Variants in STK32B observed in about 807,000 individuals in gnomAD.
STK32B encodes serine/threonine kinase 32B.
Under a neutral mutation model 52.6 loss-of-function variants are expected in STK32B, and 43 were observed. That is an observed-to-expected ratio of 0.82 (90% confidence interval 0.64 to 1.05). The LOEUF (loss-of-function observed/expected upper bound fraction) is 1.05. STK32B is among the 50% of genes least tolerant of loss of function. STK32B has a pLI of 0.00. For missense variants in STK32B, 621 were observed against 534.6 expected, an observed-to-expected ratio of 1.16 and a Z score of -1.59; for synonymous variants, 238 against 204.3, an observed-to-expected ratio of 1.17 and a Z score of -1.41.
chr4:5,176,539 G>A (rs1337970939), intron 3 of STK32B, among the ~76,000 whole-genome samples: 3 of 150,618 alleles, frequency 2.0e-5, no homozygotes, highest in South Asian at 4.2e-4. Flanking sequence ...CACCTCCAAG[G>A]TTTAAGTGAT....
chr4:5,129,606 C>A (rs1265024561), intron 1 of STK32B, among the ~76,000 whole-genome samples: 1 of 152,140 alleles, frequency 6.6e-6, no homozygotes, highest in Non-Finnish European at 1.5e-5. Flanking sequence ...TGGGGAACAA[C>A]CTTGATTATA....
At chr4:5,443,978 G>A (rs1233509703) in intron 6 of STK32B, among the ~76,000 whole-genome samples, 14 of 152,198 alleles carry the variant, frequency 9.2e-5, no homozygotes, top group East Asian at 1.9e-4. Flanking sequence ...CCAGCTGCGT[G>A]CTGGGAGAAC....
chr4:5,119,784 G>A (rs190248614), intron 1 of STK32B, among the ~76,000 whole-genome samples: 226 of 152,306 alleles, frequency 1.5e-3, no homozygotes, highest in Non-Finnish European at 2.9e-3. Context: ...ACATGCTTTC[G>A]TATTCTGAAG....
At chr4:5,443,720 A>G (rs1183333049) in intron 6 of STK32B, among the ~76,000 whole-genome samples, 2 of 151,226 alleles carry the variant, frequency 1.3e-5, no homozygotes, top group Admixed American at 6.6e-5. Context: ...TTTTTTCCCC[A>G]TCTTTGTGGT....
intron 3 of STK32B, among the ~76,000 whole-genome samples, chr4:5,204,541 C>T (rs1393098316): frequency 6.6e-6 from 1 of 151,714 alleles, no homozygotes; most frequent in Non-Finnish European, 1.5e-5. Flanking sequence ...ATGATCTCGA[C>T]TCACTGCAAT....
chr4:5,371,185 A>C, intron 4 of STK32B, among the ~76,000 whole-genome samples: 1 of 152,062 alleles, frequency 6.6e-6, no homozygotes, highest in African/African-American at 2.4e-5. Flanking sequence ...GACAGCTGGG[A>C]TTACAGCCAA....
rs543305219 is a variant in STK32B at position 5,067,973 on chromosome 4, A to G, written c.52+16058A>G. 5.2e-4 allele frequency among the ~76,000 whole-genome samples: 79 copies of G among 152,128 alleles called. No individual in the cohort carries two copies. The South Asian group carries it at 6.0e-3, about 12-fold the overall frequency. The stretch of plus-strand genomic sequence containing the variant: ...GTGGGAAGTCCTCCCTCATGATCCA[A>G]TCACCTCCCACCGGATCCCACCTCC... On this transcript the variant is annotated intron_variant, in intron 1 of 11. Coordinates refer to ENST00000282908, the MANE Select transcript of STK32B (RefSeq NM_018401.3).
intron 3 of STK32B, among the ~76,000 whole-genome samples, chr4:5,269,525 T>TA (rs1727283622): frequency 6.6e-6 from 1 of 152,156 alleles, no homozygotes; most frequent in African/African-American, 2.4e-5. Flanking sequence ...CATTGTGAGG[T>TA]AATACAGCAA....
intron 2 of STK32B, among the ~76,000 whole-genome samples, chr4:5,149,587 A>G (rs867512517): frequency 6.6e-6 from 1 of 152,018 alleles, no homozygotes; most frequent in South Asian, 2.1e-4. Flanking sequence ...TACACTTTAC[A>G]TAAAATGTGA....
intron 1 of STK32B, among the ~76,000 whole-genome samples, chr4:5,138,330 T>G (rs954447493): frequency 1.3e-5 from 2 of 152,246 alleles, no homozygotes; most frequent in Admixed American, 1.3e-4. Context: ...ACTAATTGTA[T>G]TCATTTACTT....
intron 1 of STK32B, among the ~76,000 whole-genome samples, chr4:5,124,861 C>T (rs1231717851): frequency 6.6e-6 from 1 of 152,220 alleles, no homozygotes; most frequent in Non-Finnish European, 1.5e-5. Context: ...GATGGCCCGT[C>T]ATGAACCTTC....
chr4:5,458,267 A>T (rs1477691869), intron 8 of STK32B, among the ~76,000 whole-genome samples: 2 of 152,150 alleles, frequency 1.3e-5, no homozygotes, highest in Admixed American at 1.3e-4. Flanking sequence ...TCCACGATGC[A>T]TGGAGCTGAG....
At chr4:5,159,706 A>C (rs1206516431) in intron 2 of STK32B, among the ~76,000 whole-genome samples, 1 of 96,280 alleles carries the variant, frequency 1.0e-5, no homozygotes. Context: ...AATATATATG[A>C]ATATATATAT....
intron 3 of STK32B, among the ~76,000 whole-genome samples, chr4:5,274,168 G>A (rs949449078): frequency 3.3e-5 from 5 of 152,054 alleles, no homozygotes; most frequent in Non-Finnish European, 5.9e-5. Context: ...CAAAAGACCT[G>A]GAATAGCTAA....
chr4:5,491,760 G>C (rs946135753), intron 11 of STK32B, among the ~76,000 whole-genome samples: 1 of 151,648 alleles, frequency 6.6e-6, no homozygotes, highest in Admixed American at 6.6e-5. Context: ...TTTGTATAAG[G>C]TGTAAGGAAG....
intron 7 of STK32B, among the ~76,000 whole-genome samples, chr4:5,451,262 G>A (rs1715968716): frequency 6.6e-6 from 1 of 152,186 alleles, no homozygotes; most frequent in African/African-American, 2.4e-5. Flanking sequence ...AGACATTGAA[G>A]TTCGGTCACA....
chr4:5,455,539 A>G (rs933643225), intron 7 of STK32B, among the ~76,000 whole-genome samples: 3 of 152,120 alleles, frequency 2.0e-5, no homozygotes, highest in African/African-American at 7.2e-5. Flanking sequence ...GCTTCTTGGA[A>G]CTTTTCCGAA....
At chr4:5,402,607 C>G (rs114280385) in intron 5 of STK32B, among the ~76,000 whole-genome samples, 2 of 152,034 alleles carry the variant, frequency 1.3e-5, no homozygotes, top group Non-Finnish European at 2.9e-5. Context: ...TGACTGTTCT[C>G]TGTCCTGGTG....
rs1383593174 is a variant in STK32B, at chr4:5,466,729, A to C, written c.936A>C (p.Thr312=). ...PNKGRLNCDP[T]FELEEMILES... is the part of the protein sequence containing the mutation. ...AAGGGAGGTTGAACTGCGATCCCAC[A>C]TTTGAGCTTGAAGAGATGATTCTAG... is the stretch of plus-strand genomic sequence containing the variant. The change falls in exon 10 of 12, where the codon ACA becomes ACC. Residue 312 remains threonine, a synonymous_variant. Transcript: ENST00000282908. 6.2e-7 allele frequency: 1 copy of C among 1,613,844 alleles called. No homozygotes were observed. The highest frequency in any genetic ancestry group is 1.1e-5 in the South Asian group (1 of 90,970).
Sources: gnomAD v4.1 joint callset for allele counts (sites outside exome capture counted in the v4.1 genomes callset) on GRCh38, gnomAD v4.1.1 for gene constraint, MANE v1.5 for transcripts, NCBI Gene and HGNC (gene_info 2026-07-23, HGNC 2026-07-21) for gene names.